Variants in JPH4 observed in about 807,000 individuals in gnomAD.
The protein encoded by JPH4 is junctophilin 4, also known as junctophilin-4.
In JPH4, 18 loss-of-function variants were observed where a neutral mutation model predicts 57.6. The ratio of observed to expected loss-of-function variants is 0.31; its 90% CI spans 0.22 to 0.46. The LOEUF (loss-of-function observed/expected upper bound fraction) is 0.46. Ranked by LOEUF, JPH4 falls within the 20% of genes least tolerant of loss-of-function variation. JPH4 has a pLI of 1.00. For missense variants in JPH4, 727 were observed against 911.1 expected, an observed-to-expected ratio of 0.80 and a Z score of 2.60; for synonymous variants, 425 against 406.6, an observed-to-expected ratio of 1.05 and a Z score of -0.54.
In JPH4 at chr14:23,568,789, C is replaced by T. The variant is rs1427487573; in HGVS notation, c.*845G>A. 1.0e-6 allele frequency: 1 copy of T among 985,678 alleles called. No homozygotes were observed. Among genetic ancestry groups the T allele is most frequent in the Non-Finnish European group, 1.2e-6 (1 of 829,992 alleles). 61.1% of individuals were successfully genotyped at this position (985,678 alleles called of 1,614,324 possible). ...TCAAAGGCCACAAGTGAGTCCAGAC[C>T]AACCAAATAAACTATTATGGGGGAG... On this transcript the variant is annotated 3_prime_UTR_variant, in exon 6 of 6. Coordinates refer to ENST00000356300, the MANE Select transcript of JPH4 (RefSeq NM_001146028.2).
chr14:23,570,664 G>C (rs578000997), intron 5 of JPH4, among the ~76,000 whole-genome samples: 5 of 151,900 alleles, frequency 3.3e-5, no homozygotes, highest in Non-Finnish European at 5.9e-5. Flanking sequence ...GTGAGCCACC[G>C]CGCCCGGCCT....
rs1032861795 is a variant in JPH4 at position 23,576,269 on chromosome 14, C to A, written c.567G>T (p.Ser189=). The A allele has an allele frequency of 6.1e-5, 77 of 1,265,374 alleles. No homozygotes were observed. The highest frequency in any genetic ancestry group is 7.3e-5 in the Non-Finnish European group (74 of 1,007,260). 78.4% of individuals were successfully genotyped at this position (1,265,374 alleles called of 1,614,324 possible). A position where few individuals can be genotyped will look rare whatever the true frequency, so the allele number is the denominator to read the frequency against. The change falls in exon 3 of 6, where the codon TCG becomes TCT. Residue 189 remains serine, a synonymous_variant. Coordinates refer to ENST00000356300, the MANE Select transcript of JPH4 (RefSeq NM_001146028.2). This position sits in a 1 kb window ranked among gnomAD's most constrained non-coding sequence, Gnocchi z 8.0. ...LPGDEGGSPA[S]GSRGGFVLAG... ...CCAGCACGAAGCCGCCCCGGGAGCC[C>A]GAGGCGGGGCTGCCTCCCTCGTCGC...
chr14:23,570,083 G>A (rs562443739), intron 5 of JPH4, among the ~76,000 whole-genome samples: 16 of 152,286 alleles, frequency 1.1e-4, no homozygotes, highest in African/African-American at 2.6e-4. Context: ...GGAAACAGAA[G>A]GCCTAGAGCC....
rs1457735402 is a variant in JPH4, at chr14:23,569,412, G to A, written c.*222C>T. The A allele has an allele frequency of 7.3e-6, 4 of 546,812 alleles. No individual in the cohort carries two copies. The highest frequency in any genetic ancestry group is 6.2e-5 in the South Asian group (3 of 48,150). 33.9% of individuals were successfully genotyped at this position (546,812 alleles called of 1,614,324 possible). On this transcript the variant is annotated 3_prime_UTR_variant, in exon 6 of 6. Coordinates refer to ENST00000356300, the MANE Select transcript of JPH4 (RefSeq NM_001146028.2). The surrounding 1 kb of genome is among the most constrained non-coding windows in gnomAD (Gnocchi z 4.8). ...AGAAAGAAGGGGTTGGGATGGGGAA[G>A]GGAGTGAGGAATACAGAGACAGATC...
Position 23,575,234 on chromosome 14 carries a change from G to C in JPH4, c.1151+451C>G, listed in dbSNP as rs542334139. The C allele has an allele frequency of 5.9e-6, 1 of 168,294 alleles. No homozygotes were observed. Among genetic ancestry groups the C allele is most frequent in the Non-Finnish European group, 1.3e-5 (1 of 78,946 alleles). The allele number at this position is 168,294 out of a possible 1,614,324, so 10.4% of individuals were successfully genotyped here. On this transcript the variant is annotated intron_variant, in intron 3 of 5. Transcript: ENST00000356300. The surrounding 1 kb of genome is among the most constrained non-coding windows in gnomAD (Gnocchi z 6.9). ...GGCTGAAATGGTGTCAGGCTGGGAC[G>C]TGATTAGGAAGGGACAGTCCCTATT...
chr14:23,576,247 G>T lies in JPH4; in HGVS notation c.589C>A (p.Leu197Met). 1 of 1,270,732 alleles carries T rather than the reference G, an allele frequency of 7.9e-7. No individual in the cohort carries two copies. 78.7% of individuals were successfully genotyped at this position (1,270,732 alleles called of 1,614,324 possible). ...CCGTCGGCGTCCCCGGGCCCGGCCA[G>T]CACGAAGCCGCCCCGGGAGCCCGAG... Reference protein sequence around the residue: ...PASGSRGGFVLAGPGDADGAS... With the variant: ...PASGSRGGFVMAGPGDADGAS... Residue 197 changes from leucine (L) to methionine (M), a missense_variant, in exon 3 of 6, where the codon CTG (leucine) becomes ATG (methionine). Physicochemically the swap from Leu to Met is conservative, Grantham distance 15 (BLOSUM62 2). Transcript: ENST00000356300. This position sits in a 1 kb window ranked among gnomAD's most constrained non-coding sequence, Gnocchi z 8.0.
At position 23,568,297 on chromosome 14, in the gene JPH4, C is replaced by A; in HGVS notation, c.*1337G>T. ...GCCATTCCTTGAGGGAGGGGGTTGG[C>A]AGGCAGCTTGCCTCTGCCTCATGCA... On this transcript the variant is annotated 3_prime_UTR_variant, in exon 6 of 6. Coordinates refer to ENST00000356300, the MANE Select transcript of JPH4 (RefSeq NM_001146028.2). 1 of 985,824 alleles carries A rather than the reference C, an allele frequency of 1.0e-6. No individual in the cohort carries two copies. The highest frequency in any genetic ancestry group is 1.2e-6 in the Non-Finnish European group (1 of 829,942). 61.1% of individuals were successfully genotyped at this position (985,824 alleles called of 1,614,324 possible).
Position 23,571,436 on chromosome 14 carries a change from T to C in JPH4, c.1295A>G (p.Glu432Gly). The change falls in exon 5 of 6, where the codon GAA becomes GGA. Residue 432 changes from glutamate to glycine, a missense_variant. Physicochemically the swap from Glu to Gly is moderately conservative, Grantham distance 98 (BLOSUM62 -2). Transcript: ENST00000356300. The surrounding 1 kb of genome is among the most constrained non-coding windows in gnomAD (Gnocchi z 4.6). ...ATCCAGGGGCTCCGTGTCGGAACCT[T>C]CTGAGTCCTGCCTGGGTCTGCGGCC... ...APGRRPRQDS[E>G]GSDTEPLDED... is the part of the protein sequence containing the mutation. 6.3e-7 allele frequency: 1 copy of C among 1,599,310 alleles called. No individual in the cohort carries two copies. The highest frequency in any genetic ancestry group is 8.5e-7 in the Non-Finnish European group (1 of 1,179,754).
chr14:23,568,750 C>A lies in JPH4; in HGVS notation c.*884G>T. 1 of 985,848 alleles carries A rather than the reference C, an allele frequency of 1.0e-6. No individual in the cohort carries two copies. Among genetic ancestry groups the A allele is most frequent in the Non-Finnish European group, 1.2e-6 (1 of 829,966 alleles). The allele number at this position is 985,848 out of a possible 1,614,324, so 61.1% of individuals were successfully genotyped here. On this transcript the variant is annotated 3_prime_UTR_variant, in exon 6 of 6. Coordinates refer to ENST00000356300, the MANE Select transcript of JPH4 (RefSeq NM_001146028.2). ...GCAGTAGAAATGTCTTCTTCAGGCCCCTTAGGAATTTAATCAAAGGCCACA... is the reference window on the plus strand; with the variant it reads ...GCAGTAGAAATGTCTTCTTCAGGCCACTTAGGAATTTAATCAAAGGCCACA...
chr14:23,577,689 T>C lies in JPH4; in HGVS notation c.-171-65A>G. On this transcript the variant is annotated intron_variant, in intron 1 of 5. Transcript: ENST00000356300. The surrounding 1 kb of genome is among the most constrained non-coding windows in gnomAD (Gnocchi z 8.4). ...CCCCTCCTCTTTGCCCGCCGCTCCC[T>C]GGCCCGGTGGCTCTGGGGCATCAGC... is the stretch of plus-strand genomic sequence containing the variant. 5.0e-6 allele frequency: 2 copies of C among 398,224 alleles called. No homozygotes were observed. The highest frequency in any genetic ancestry group is 8.9e-6 in the Non-Finnish European group (2 of 225,350). 24.7% of individuals were successfully genotyped at this position (398,224 alleles called of 1,614,324 possible). A position where few individuals can be genotyped will look rare whatever the true frequency, so the allele number is the denominator to read the frequency against.
chr14:23,577,695 G>A lies in JPH4; in HGVS notation c.-171-71C>T, dbSNP rs1889309948. ...CTCTTTGCCCGCCGCTCCCTGGCCC[G>A]GTGGCTCTGGGGCATCAGCGCCGCC... On this transcript the variant is annotated intron_variant, in intron 1 of 5. Transcript: ENST00000356300. The surrounding 1 kb of genome is among the most constrained non-coding windows in gnomAD (Gnocchi z 8.4). 3 of 395,020 alleles carry A rather than the reference G, an allele frequency of 7.6e-6. No homozygotes were observed. The highest frequency in any genetic ancestry group is 1.9e-4 in the South Asian group (2 of 10,568). 24.5% of individuals were successfully genotyped at this position (395,020 alleles called of 1,614,324 possible).
In JPH4 at chr14:23,577,760, GC is replaced by G; in HGVS notation, c.-171-137del. On this transcript the variant is annotated intron_variant, in intron 1 of 5. Transcript: ENST00000356300. This position sits in a 1 kb window ranked among gnomAD's most constrained non-coding sequence, Gnocchi z 8.4. The stretch of plus-strand genomic sequence containing the variant: ...CCTCCTTTGGCAGCATCTTCCAGCA[GC>G]CCCCAAGCTTTGGGGGAATGGGGGC... The G allele has an allele frequency of 3.6e-6, 1 of 275,876 alleles. No individual in the cohort carries two copies. Among genetic ancestry groups the G allele is most frequent in the African/African-American group, 2.2e-5 (1 of 45,680 alleles). 17.1% of individuals were successfully genotyped at this position (275,876 alleles called of 1,614,324 possible). A position where few individuals can be genotyped will look rare whatever the true frequency, so the allele number is the denominator to read the frequency against.
rs986216789 is a variant in JPH4 at position 23,571,220 on chromosome 14, G to T, written c.1511C>A (p.Ala504Glu). ...ATAGCCAGCTAGTTCCTCTGCCTGT[G>T]CGCCTGCCCCCCCCCACTCCTCAGG... is the stretch of plus-strand genomic sequence containing the variant. ...AWPEEWGGAG[A>E]QAEELAGYEA... The change falls in exon 5 of 6, where the codon GCA becomes GAA. Residue 504 changes from alanine to glutamate, a missense_variant. Coordinates refer to ENST00000356300, the MANE Select transcript of JPH4 (RefSeq NM_001146028.2). The surrounding 1 kb of genome is among the most constrained non-coding windows in gnomAD (Gnocchi z 4.6). The T allele has an allele frequency of 6.2e-7, 1 of 1,613,194 alleles. No individual in the cohort carries two copies.
At position 23,576,876 on chromosome 14, in the gene JPH4, C is replaced by G. The variant is rs1362890304; in HGVS notation, c.379+199G>C. ...AGACAGGGAAGGGGTGAGGGAGAAG[C>G]GAGCAGGAGACAGACAATTGAGGAA... On this transcript the variant is annotated intron_variant, in intron 2 of 5. Coordinates refer to ENST00000356300, the MANE Select transcript of JPH4 (RefSeq NM_001146028.2). This position sits in a 1 kb window ranked among gnomAD's most constrained non-coding sequence, Gnocchi z 8.0. Among the ~76,000 whole-genome samples, 1 of 151,020 alleles carries G rather than the reference C, an allele frequency of 6.6e-6. No individual in the cohort carries two copies. Among genetic ancestry groups the G allele is most frequent in the Non-Finnish European group, 1.5e-5 (1 of 67,894 alleles).
At position 23,569,730 on chromosome 14, in the gene JPH4, AG is replaced by A; in HGVS notation, c.1804-14del. The A allele has an allele frequency of 6.5e-7, 1 of 1,533,028 alleles. No homozygotes were observed. The highest frequency in any genetic ancestry group is 8.8e-7 in the Non-Finnish European group (1 of 1,132,820). 95.0% of individuals were successfully genotyped at this position (1,533,028 alleles called of 1,614,324 possible). A position where few individuals can be genotyped will look rare whatever the true frequency, so the allele number is the denominator to read the frequency against. The stretch of plus-strand genomic sequence containing the variant: ...GGTTGGCAGCTCCCTAGAGAGACAG[AG>A]GGGGAAGCAGACTCAGTCCCCGAGG... On this transcript the variant is annotated splice_polypyrimidine_tract_variant and intron_variant, in intron 5 of 5. Transcript: ENST00000356300. This position sits in a 1 kb window ranked among gnomAD's most constrained non-coding sequence, Gnocchi z 4.8.
rs1040839401 is a variant in JPH4 at position 23,571,599 on chromosome 14, C to T, written c.1271-139G>A. 18 of 1,156,784 alleles carry T rather than the reference C, an allele frequency of 1.6e-5. No homozygotes were observed. Among genetic ancestry groups the T allele is most frequent in the East Asian group, 2.4e-5 (1 of 42,364 alleles). The allele number at this position is 1,156,784 out of a possible 1,614,324, so 71.7% of individuals were successfully genotyped here. A position where few individuals can be genotyped will look rare whatever the true frequency, so the allele number is the denominator to read the frequency against. On this transcript the variant is annotated intron_variant, in intron 4 of 5. Transcript: ENST00000356300. This position sits in a 1 kb window ranked among gnomAD's most constrained non-coding sequence, Gnocchi z 4.6. ...CCTCTCACCGCCAGACCCCAAACCC[C>T]CCATTATCCTACTGCATACATTCCC...
Position 23,576,293 on chromosome 14 carries a change from G to T in JPH4, c.543C>A (p.Gly181=). 1 of 1,265,782 alleles carries T rather than the reference G, an allele frequency of 7.9e-7. No homozygotes were observed. The highest frequency in any genetic ancestry group is 9.9e-7 in the Non-Finnish European group (1 of 1,007,312). The allele number at this position is 1,265,782 out of a possible 1,614,324, so 78.4% of individuals were successfully genotyped here. A position where few individuals can be genotyped will look rare whatever the true frequency, so the allele number is the denominator to read the frequency against. The change falls in exon 3 of 6, where the codon GGC becomes GGA. Residue 181 remains glycine (G), a synonymous_variant. Coordinates refer to ENST00000356300, the MANE Select transcript of JPH4 (RefSeq NM_001146028.2). The surrounding 1 kb of genome is among the most constrained non-coding windows in gnomAD (Gnocchi z 8.0). The stretch of plus-strand genomic sequence containing the variant: ...CCGAGGCGGGGCTGCCTCCCTCGTC[G>T]CCCGGCAAGGGCAGGGGCGGGGGTG... ...PTPPPPLPLP[G]DEGGSPASGS... is the part of the protein sequence containing the mutation.
Position 23,569,476 on chromosome 14 carries a change from A to G in JPH4, c.*158T>C. On this transcript the variant is annotated 3_prime_UTR_variant, in exon 6 of 6. Coordinates refer to ENST00000356300, the MANE Select transcript of JPH4 (RefSeq NM_001146028.2). This position sits in a 1 kb window ranked among gnomAD's most constrained non-coding sequence, Gnocchi z 4.8. ...ATAATCTGAAAGAAGACAGGGAAAG[A>G]AAAAGCGAGAGAAAAAAACAAAGGA... is the stretch of plus-strand genomic sequence containing the variant. 1 of 655,580 alleles carries G rather than the reference A, an allele frequency of 1.5e-6. No homozygotes were observed. Among genetic ancestry groups the G allele is most frequent in the South Asian group, 1.8e-5 (1 of 55,866 alleles). The allele number at this position is 655,580 out of a possible 1,614,324, so 40.6% of individuals were successfully genotyped here. A position where few individuals can be genotyped will look rare whatever the true frequency, so the allele number is the denominator to read the frequency against.
chr14:23,570,430 G>A (rs1889092765), intron 5 of JPH4, among the ~76,000 whole-genome samples: 1 of 146,708 alleles, frequency 6.8e-6, no homozygotes, highest in South Asian at 2.1e-4. Context: ...AGAGTGCAGT[G>A]GCGCGATCTC....
Sources: gnomAD v4.1 joint callset for allele counts (sites outside exome capture counted in the v4.1 genomes callset) on GRCh38, gnomAD v4.1.1 for gene constraint, Gnocchi (gnomAD v3.1) non-coding constraint, MANE v1.5 for transcripts, NCBI Gene and HGNC (gene_info 2026-07-23, HGNC 2026-07-21) for gene names.